EPHA5: variants seen among roughly 807,000 people sequenced by gnomAD.
EPHA5 encodes the protein ephrin type-A receptor 5.
EPHA5 carries 60 observed loss-of-function variants against 105.0 expected under a neutral mutation model. The ratio of observed to expected loss-of-function variants is 0.57; its 90% confidence interval spans 0.46 to 0.71. EPHA5 has a LOEUF of 0.71. EPHA5 is among the 30% of genes least tolerant of loss of function. The probability of loss-of-function intolerance (pLI) is 0.00; values close to 1 mark genes in which losing one functional copy is unlikely to be tolerated. For synonymous variants in EPHA5, 513 were observed against 449.1 expected (o/e 1.14, Z -1.80); for missense variants, 1,218 against 1,274.7 (o/e 0.96, Z 0.68).
intron 5 of EPHA5, among the ~76,000 whole-genome samples, chr4:65,475,148 T>C (rs142080790): frequency 6.6e-6 from 1 of 152,304 alleles, no homozygotes; most frequent in Non-Finnish European, 1.5e-5. Flanking sequence ...TGCCATTCAT[T>C]CATTTCTGTT....
At chr4:65,391,991 T>C (rs951275671) in intron 8 of EPHA5, among the ~76,000 whole-genome samples, 2 of 152,172 alleles carry the variant, frequency 1.3e-5, no homozygotes, top group African/African-American at 4.8e-5. Context: ...CATGTTTACA[T>C]ATTTGATTTG....
At chr4:65,368,939 G>A (rs913062659) in intron 8 of EPHA5, among the ~76,000 whole-genome samples, 6 of 151,868 alleles carry the variant, frequency 4.0e-5, no homozygotes, top group Non-Finnish European at 7.4e-5. Context: ...CCTTCTTCAC[G>A]TTTTTCCCAA....
intron 8 of EPHA5, among the ~76,000 whole-genome samples, chr4:65,371,007 A>T (rs1718411040): frequency 1.3e-5 from 2 of 152,138 alleles, no homozygotes; most frequent in Admixed American, 1.3e-4. Flanking sequence ...CCAGATGCAT[A>T]ATTTTAACCA....
chr4:65,411,188 A>T (rs1722873985), intron 7 of EPHA5, among the ~76,000 whole-genome samples: 2 of 152,124 alleles, frequency 1.3e-5, no homozygotes, highest in South Asian at 4.2e-4. Flanking sequence ...AGGAAGAATA[A>T]TTGGAGATTT....
chr4:65,465,700 A>G (rs1339354145), intron 5 of EPHA5, among the ~76,000 whole-genome samples: 2 of 152,160 alleles, frequency 1.3e-5, no homozygotes, highest in African/African-American at 4.8e-5. Flanking sequence ...CTGTTGGACT[A>G]TGTAGTAGTA....
At chr4:65,400,748 CT>C (rs759440009) in intron 8 of EPHA5, among the ~76,000 whole-genome samples, 2 of 151,960 alleles carry the variant, frequency 1.3e-5, no homozygotes, top group Admixed American at 6.6e-5. Flanking sequence ...ATCATTTGCA[CT>C]TTTTTTGTCT....
At chr4:65,370,583 G>A (rs1269049037) in intron 8 of EPHA5, among the ~76,000 whole-genome samples, 1 of 152,142 alleles carries the variant, frequency 6.6e-6, no homozygotes, top group East Asian at 1.9e-4. Context: ...TTTCAAAATT[G>A]TATCCTCAAA....
intron 8 of EPHA5, among the ~76,000 whole-genome samples, chr4:65,396,729 C>T (rs890046595): frequency 3.3e-5 from 5 of 152,214 alleles, no homozygotes; most frequent in Admixed American, 6.5e-5. Context: ...CAAAGAGGGG[C>T]CTTGGTAAAG....
chr4:65,486,534 A>G (rs1331583873), intron 5 of EPHA5, among the ~76,000 whole-genome samples: 5 of 152,204 alleles, frequency 3.3e-5, no homozygotes, highest in Admixed American at 2.6e-4. Flanking sequence ...TTTGAAATCA[A>G]TTATTTAAAA....
At chr4:65,354,559 A>C (rs577197750) in intron 11 of EPHA5, among the ~76,000 whole-genome samples, 1 of 151,850 alleles carries the variant, frequency 6.6e-6, no homozygotes, top group South Asian at 2.1e-4. Context: ...CCATTAATTA[A>C]CTTTTTAATT....
intron 3 of EPHA5, among the ~76,000 whole-genome samples, chr4:65,531,478 T>C (rs1346115169): frequency 6.8e-6 from 1 of 146,006 alleles, no homozygotes. Context: ...AGAATGACCA[T>C]GATCCAGGAA....
intron 5 of EPHA5, among the ~76,000 whole-genome samples, chr4:65,421,880 C>T (rs1360806834): frequency 6.6e-6 from 1 of 152,016 alleles, no homozygotes; most frequent in Non-Finnish European, 1.5e-5. Context: ...AATTATGTGT[C>T]ATTCAAAACT....
chr4:65,421,002 G>A (rs940793285), intron 5 of EPHA5, among the ~76,000 whole-genome samples: 3 of 151,726 alleles, frequency 2.0e-5, no homozygotes, highest in African/African-American at 4.8e-5. Context: ...GAAATTACAT[G>A]GATCCTAAAA....
At chr4:65,427,539 G>T (rs546453172) in intron 5 of EPHA5, among the ~76,000 whole-genome samples, 1 of 152,198 alleles carries the variant, frequency 6.6e-6, no homozygotes, top group East Asian at 1.9e-4. Flanking sequence ...TTTTTGAAAT[G>T]ATGAAAGACA....
chr4:65,602,327 AT>A (rs778825600), intron 2 of EPHA5, 23 bp from the exon 3 acceptor site: 3 of 1,376,284 alleles, frequency 2.2e-6, no homozygotes, highest in East Asian at 5.0e-5. Context: ...AAATAGAAAG[AT>A]AAAAAAAATT....
At chr4:65,485,019 T>C (rs1730748086) in intron 5 of EPHA5, among the ~76,000 whole-genome samples, 1 of 151,748 alleles carries the variant, frequency 6.6e-6, no homozygotes, top group South Asian at 2.1e-4. Context: ...AAATCAATTT[T>C]GTGTAAGAAT....
At chr4:65,601,534 T>C (rs369406477) in intron 3 of EPHA5, 107 bp downstream of exon 3, 5 of 1,131,542 alleles carry the variant, frequency 4.4e-6, no homozygotes, top group African/African-American at 3.1e-5. Context: ...ATAATCTCCA[T>C]AAATTAGCAA....
At chr4:65,523,149 T>C (rs1187398196) in intron 3 of EPHA5, among the ~76,000 whole-genome samples, 1 of 151,986 alleles carries the variant, frequency 6.6e-6, no homozygotes, top group East Asian at 1.9e-4. Context: ...TAATATGCTA[T>C]GTCATATATT....
intron 4 of EPHA5, among the ~76,000 whole-genome samples, chr4:65,492,112 C>T (rs1731457487): frequency 6.6e-6 from 1 of 152,052 alleles, no homozygotes; most frequent in Non-Finnish European, 1.5e-5. Context: ...CAATTTTTAA[C>T]TAACATTTAT....
Sources: gnomAD v4.1 joint callset for allele counts (sites outside exome capture counted in the v4.1 genomes callset) on GRCh38, gnomAD v4.1.1 for gene constraint, MANE v1.5 for transcripts, NCBI Gene and HGNC (gene_info 2026-07-23, HGNC 2026-07-21) for gene names.